Variants in JAK2 observed in about 807,000 individuals in gnomAD.
The protein encoded by JAK2 is tyrosine-protein kinase JAK2.
JAK2 carries 86 observed loss-of-function variants against 139.3 expected under a neutral mutation model. That is an observed-to-expected ratio of 0.62 (90% confidence interval 0.52 to 0.74). The LOEUF (loss-of-function observed/expected upper bound fraction) is 0.74, where lower values mean the gene tolerates loss of function less well. JAK2 is among the 30% of genes least tolerant of loss of function. JAK2 has a pLI of 0.00. For synonymous variants in JAK2, 490 were observed against 437.7 expected, an observed-to-expected ratio of 1.12 and a Z score of -1.49; for missense variants, 1,421 against 1,360.3, an observed-to-expected ratio of 1.04 and a Z score of -0.70.
intron 23 of JAK2, among the ~76,000 whole-genome samples, chr9:5,124,147 G>A (rs964021037): frequency 1.3e-5 from 2 of 151,596 alleles, no homozygotes; most frequent in Non-Finnish European, 3.0e-5. Flanking sequence ...TATTTTCTCC[G>A]ATTATGCAGG....
intron 22 of JAK2, among the ~76,000 whole-genome samples, chr9:5,101,810 C>T (rs1215648656): frequency 6.6e-6 from 1 of 152,160 alleles, no homozygotes; most frequent in Non-Finnish European, 1.5e-5. Context: ...GCTGAGGGAC[C>T]TGACTGTTAG....
In JAK2 at chr9:5,083,008, A is replaced by G. The variant is rs116501264; in HGVS notation, c.2571+1147A>G. On this transcript the variant is annotated intron_variant, in intron 19 of 24. Transcript: ENST00000381652. ...TCTTTCTTTTCCCTATAACTGAAGA[A>G]CTTTTCAGAGGCTTTAACATGTAAT... is the stretch of plus-strand genomic sequence containing the variant. Among the ~76,000 whole-genome samples the G allele has an allele frequency of 6.5e-3, 986 of 152,338 alleles. 6 individuals carry two copies. The highest frequency in any genetic ancestry group is 0.022 in the African/African-American group (906 of 41,562).
intron 22 of JAK2, chr9:5,111,068 G>A (rs1201691751): frequency 1.2e-5 from 14 of 1,204,358 alleles, no homozygotes; most frequent in Non-Finnish European, 1.5e-5. Flanking sequence ...CTTGAGAACT[G>A]GCCCAGCTCA....
intron 2 of JAK2, among the ~76,000 whole-genome samples, chr9:4,991,202 G>A (rs1160665394): frequency 1.3e-5 from 2 of 152,182 alleles, no homozygotes; most frequent in Non-Finnish European, 2.9e-5. Context: ...AGAACAAAGA[G>A]AAGCATTATT....
At chr9:5,034,033 G>A (rs1310837932) in intron 4 of JAK2, among the ~76,000 whole-genome samples, 2 of 152,100 alleles carry the variant, frequency 1.3e-5, no homozygotes, top group South Asian at 2.1e-4. Context: ...TCAAAATAAA[G>A]GGATGGAGGA....
chr9:4,996,551 G>A (rs1820572186), intron 2 of JAK2, among the ~76,000 whole-genome samples: 1 of 151,296 alleles, frequency 6.6e-6, no homozygotes, highest in South Asian at 2.1e-4. Flanking sequence ...AATACATGAG[G>A]TATTGTAGAT....
At chr9:5,104,387 AC>A (rs1443198270) in intron 22 of JAK2, among the ~76,000 whole-genome samples, 1 of 152,226 alleles carries the variant, frequency 6.6e-6, no homozygotes, top group African/African-American at 2.4e-5. Flanking sequence ...CTCTGAATAG[AC>A]CAATAACAGG....
chr9:5,024,110 G>T (rs1011668157), intron 3 of JAK2, among the ~76,000 whole-genome samples: 5 of 152,218 alleles, frequency 3.3e-5, no homozygotes, highest in African/African-American at 9.6e-5. Context: ...CAAAAAATTA[G>T]CCAGGTGTGG....
intron 5 of JAK2, among the ~76,000 whole-genome samples, chr9:5,048,541 T>C (rs1817192009): frequency 6.6e-6 from 1 of 152,184 alleles, no homozygotes; most frequent in South Asian, 2.1e-4. Flanking sequence ...TTGCCTGTTC[T>C]CAAAAGTGTG....
intron 22 of JAK2, chr9:5,098,620 C>G (rs1288582200): frequency 6.6e-6 from 1 of 152,068 alleles, no homozygotes; most frequent in Non-Finnish European, 1.5e-5. Context: ...TAATCCTTCC[C>G]TTACTGTCAA....
intron 8 of JAK2, among the ~76,000 whole-genome samples, chr9:5,062,722 G>T (rs1818276752): frequency 6.6e-6 from 1 of 151,946 alleles, no homozygotes; most frequent in South Asian, 2.1e-4. Flanking sequence ...TGTATCCTTT[G>T]CCAACACTGG....
At chr9:5,034,520 G>A (rs1823425234) in intron 4 of JAK2, among the ~76,000 whole-genome samples, 2 of 151,984 alleles carry the variant, frequency 1.3e-5, no homozygotes, top group African/African-American at 4.8e-5. Context: ...TAAAAGAACA[G>A]AAATTATAAC....
At chr9:5,052,433 ATAGTG>A (rs1817479567) in intron 6 of JAK2, among the ~76,000 whole-genome samples, 1 of 152,114 alleles carries the variant, frequency 6.6e-6, no homozygotes, top group African/African-American at 2.4e-5. Flanking sequence ...TACTTTAAAA[ATAGTG>A]TAGATATTAA....
intron 22 of JAK2, chr9:5,112,802 G>T (rs976951213): frequency 3.7e-6 from 2 of 543,898 alleles, no homozygotes; most frequent in Admixed American, 3.8e-5. Context: ...GCTTTCAGCT[G>T]CCCACCTGGG....
intron 23 of JAK2, among the ~76,000 whole-genome samples, chr9:5,123,706 A>C (rs10974967): frequency 0.062 from 9,457 of 151,950 alleles, 437 homozygotes; most frequent in Non-Finnish European, 0.1. Context: ...TTCTATATTT[A>C]GGTCTCTGAG....
intron 2 of JAK2, among the ~76,000 whole-genome samples, chr9:4,999,619 G>C (rs1388904955): frequency 6.6e-6 from 1 of 152,182 alleles, no homozygotes; most frequent in Admixed American, 6.5e-5. Context: ...GGAGCAAGGA[G>C]AGCCAGTTCA....
intron 8 of JAK2, 43 bp from the exon 9 acceptor site, chr9:5,064,840 G>A (rs201851673): frequency 7.1e-7 from 1 of 1,416,918 alleles, no homozygotes; most frequent in East Asian, 2.5e-5. Context: ...ACATGGAGTT[G>A]ACTTTCTAAA....
intron 19 of JAK2, among the ~76,000 whole-genome samples, chr9:5,088,147 G>A (rs930501117): frequency 5.3e-5 from 8 of 152,134 alleles, no homozygotes; most frequent in Non-Finnish European, 1.0e-4. Context: ...ATTTTAGGGA[G>A]TTCTGAATTG....
chr9:5,009,492 A>G (rs1286921498), intron 2 of JAK2, among the ~76,000 whole-genome samples: 1 of 151,370 alleles, frequency 6.6e-6, no homozygotes, highest in African/African-American at 2.4e-5. Flanking sequence ...TTCATAATCT[A>G]GTGATGCTTT....
Sources: gnomAD v4.1 joint callset for allele counts (sites outside exome capture counted in the v4.1 genomes callset) on GRCh38, gnomAD v4.1.1 for gene constraint, MANE v1.5 for transcripts, NCBI Gene and HGNC (gene_info 2026-07-23, HGNC 2026-07-21) for gene names.